PPP6R2: variants seen among roughly 807,000 people sequenced by gnomAD.
PPP6R2 encodes protein phosphatase 6 regulatory subunit 2, also known as serine/threonine-protein phosphatase 6 regulatory subunit 2.
Under a neutral mutation model 100.2 loss-of-function variants are expected in PPP6R2, and 62 were observed. The observed-to-expected ratio is 0.62, with a 90% CI of 0.50 to 0.76. PPP6R2 has a LOEUF of 0.76. PPP6R2 is among the 30% of genes least tolerant of loss of function. PPP6R2 has a pLI of 0.00. For missense variants in PPP6R2, 1,142 were observed against 1,276.3 expected, an observed-to-expected ratio of 0.89 and a Z score of 1.60; for synonymous variants, 525 against 514.7, an observed-to-expected ratio of 1.02 and a Z score of -0.27.
At chr22:50,359,437 T>C (rs1391665341) in intron 1 of PPP6R2, among the ~76,000 whole-genome samples, 1 of 152,104 alleles carries the variant, frequency 6.6e-6, no homozygotes, top group Non-Finnish European at 1.5e-5. Flanking sequence ...CAGGATGGTC[T>C]CGATCTCCTG....
upstream of PPP6R2, among the ~76,000 whole-genome samples, chr22:50,339,424 GGT>G (rs1336318761): frequency 7.1e-6 from 1 of 141,052 alleles, no homozygotes; most frequent in Non-Finnish European, 1.5e-5. Flanking sequence ...TAGGGTGTGT[GGT>G]GTGTGTTTAC....
At chr22:50,337,162 G>A in the PPP6R2 span, among the ~76,000 whole-genome samples, 49 of 148,632 alleles carry the variant, frequency 3.3e-4, no homozygotes, top group Middle Eastern at 6.9e-3. Flanking sequence ...GTGTGTGTGC[G>A]ATGTGTGGTG....
rs189931832 is a variant in PPP6R2, at chr22:50,350,964, G to T, written c.-148+7414G>T. Among the ~76,000 whole-genome samples the T allele has an allele frequency of 4.6e-3, 688 of 150,550 alleles. 5 individuals carry two copies. Among genetic ancestry groups the T allele is most frequent in the African/African-American group, 0.016 (659 of 40,866 alleles). ...AGAGCTCTTGGGTGACTAGATGCAT[G>T]GTCAATGAGCAGTAATATTTTGAAA... is the stretch of plus-strand genomic sequence containing the variant. On this transcript the variant is annotated intron_variant, in intron 1 of 23. Transcript: ENST00000612753.
chr22:50,428,663 C>G (rs1376244837), intron 10 of PPP6R2, among the ~76,000 whole-genome samples: 1 of 151,812 alleles, frequency 6.6e-6, no homozygotes, highest in East Asian at 1.9e-4. Context: ...GCTGCAGAGC[C>G]GAGATCACGC....
chr22:50,341,770 G>A (rs1164076888), upstream of PPP6R2, among the ~76,000 whole-genome samples: 1 of 152,238 alleles, frequency 6.6e-6, no homozygotes, highest in Admixed American at 6.5e-5. Context: ...CGAGGCGGGC[G>A]GATCACGAGG....
rs549171327 is a variant in PPP6R2, at chr22:50,414,778, G to T, written c.552+89G>T. 49 of 1,439,570 alleles carry T rather than the reference G, an allele frequency of 3.4e-5. No individual in the cohort carries two copies. In the South Asian group the frequency reaches 5.2e-4, roughly 15 times the overall value. The allele number at this position is 1,439,570 out of a possible 1,614,324, so 89.2% of individuals were successfully genotyped here. ...GTGCAGGAGCTCAGAGCACCAGGGC[G>T]CCCGGCCCCCATCTCTCCACCTAGC... On this transcript the variant is annotated intron_variant, in intron 5 of 23. Coordinates refer to ENST00000612753, the MANE Select transcript of PPP6R2 (RefSeq NM_001242898.2).
intron 10 of PPP6R2, among the ~76,000 whole-genome samples, chr22:50,425,251 A>G (rs1400636667): frequency 3.9e-5 from 6 of 152,206 alleles, no homozygotes; most frequent in Admixed American, 2.0e-4. Context: ...ATCATAAAGT[A>G]TTATCTTTTT....
At position 50,425,651 on chromosome 22, in the gene PPP6R2, C is replaced by T. The variant is rs922050310; in HGVS notation, c.1125+2037C>T. On this transcript the variant is annotated intron_variant, in intron 10 of 23. Coordinates refer to ENST00000612753, the MANE Select transcript of PPP6R2 (RefSeq NM_001242898.2). Reference sequence around the variant, plus strand: ...TCTCCCCTTTCTCCTCATCCTCCCCCTCATCCCGCCGACACTTGTCTTCCT... The same window carrying T: ...TCTCCCCTTTCTCCTCATCCTCCCCTTCATCCCGCCGACACTTGTCTTCCT... 5.9e-5 allele frequency among the ~76,000 whole-genome samples: 9 copies of T among 152,294 alleles called. No homozygotes were observed. The East Asian group carries it at 1.2e-3, about 20-fold the overall frequency.
At chr22:50,377,843 C>G (rs555321043) in intron 2 of PPP6R2, among the ~76,000 whole-genome samples, 38 of 152,122 alleles carry the variant, frequency 2.5e-4, no homozygotes, top group African/African-American at 9.2e-4. Flanking sequence ...CCTGTCTCTA[C>G]TAAAAACACA....
intron 2 of PPP6R2, among the ~76,000 whole-genome samples, chr22:50,386,027 G>A (rs1041774981): frequency 6.6e-6 from 1 of 150,450 alleles, no homozygotes; most frequent in African/African-American, 2.5e-5. Flanking sequence ...GTTTCACTGT[G>A]TTAGCCAGGA....
rs143545251 is a variant in PPP6R2 at position 50,423,273 on chromosome 22, C to T, written c.973-189C>T. ...GCACTCTCTGAAGCCCTGAGGGGAG[C>T]AGCAGGCTCTTCACCCCATTGATGC... On this transcript the variant is annotated intron_variant, in intron 9 of 23. Coordinates refer to ENST00000612753, the MANE Select transcript of PPP6R2 (RefSeq NM_001242898.2). This position sits in a 1 kb window ranked among gnomAD's most constrained non-coding sequence, Gnocchi z 4.8. Among the ~76,000 whole-genome samples the T allele has an allele frequency of 2.6e-3, 403 of 152,258 alleles. 1 individual carries two copies. Among genetic ancestry groups the T allele is most frequent in the African/African-American group, 9.2e-3 (384 of 41,538 alleles).
At chr22:50,381,344 T>C (rs34697790) in intron 2 of PPP6R2, among the ~76,000 whole-genome samples, 743 of 35,188 alleles carry the variant, frequency 0.021, 32 homozygotes, top group Non-Finnish European at 0.028. Context: ...CACCTCAGCA[T>C]CACACGGGCC....
chr22:50,418,249 A>G (rs766813962), intron 6 of PPP6R2, among the ~76,000 whole-genome samples: 11 of 152,162 alleles, frequency 7.2e-5, no homozygotes, highest in Non-Finnish European at 1.5e-4. Context: ...AGATAGTTCA[A>G]TGCAGCTTTA....
rs1451253437 is a variant in PPP6R2, at chr22:50,438,195, G to A, written c.1861G>A (p.Ala621Thr). 1 of 1,613,510 alleles carries A rather than the reference G, an allele frequency of 6.2e-7. No homozygotes were observed. The highest frequency in any genetic ancestry group is 1.7e-5 in the Admixed American group (1 of 59,912). The change falls in exon 18 of 24, where the codon GCC (alanine) becomes ACC (threonine). Residue 621 changes from alanine to threonine, a missense_variant. Physicochemically the swap from Ala to Thr is moderately conservative, Grantham distance 58. Coordinates refer to ENST00000612753, the MANE Select transcript of PPP6R2 (RefSeq NM_001242898.2). ...GCAGCCCAGCGCAGCTCTGTTTGAG[G>A]CCTGCTGCAGTGACCGCATCCAGCC... Reference protein sequence around the residue: ...EDSPSAALFEACCSDRIQPFD... With the variant: ...EDSPSAALFETCCSDRIQPFD...
At chr22:50,382,831 AG>A (rs1312682803) in intron 2 of PPP6R2, among the ~76,000 whole-genome samples, 1 of 138,498 alleles carries the variant, frequency 7.2e-6, no homozygotes, top group Non-Finnish European at 1.6e-5. Flanking sequence ...GAAATTTACA[AG>A]CAAATTTTTT....
intron 2 of PPP6R2, among the ~76,000 whole-genome samples, chr22:50,391,027 G>T (rs1020568282): frequency 6.6e-6 from 1 of 151,200 alleles, no homozygotes; most frequent in African/African-American, 2.4e-5. Flanking sequence ...AGAAATTCAG[G>T]CCGGATGCAG....
chr22:50,419,624 T>G (rs2061029296), intron 8 of PPP6R2, among the ~76,000 whole-genome samples, 162 bp downstream of exon 8: 1 of 152,238 alleles, frequency 6.6e-6, no homozygotes, highest in Admixed American at 6.5e-5. Context: ...ACTTTATGGC[T>G]GTGGCCAAGT....
At chr22:50,415,368 C>T (rs889045652) in intron 5 of PPP6R2, among the ~76,000 whole-genome samples, 5 of 152,202 alleles carry the variant, frequency 3.3e-5, no homozygotes, top group African/African-American at 1.2e-4. Context: ...GTAATGCTTC[C>T]TCAGGGAGGA....
In PPP6R2 at chr22:50,440,803, C is replaced by T. The variant is rs1456830293; in HGVS notation, c.2375-19C>T. 3.1e-6 allele frequency: 5 copies of T among 1,612,430 alleles called. No homozygotes were observed. Among genetic ancestry groups the T allele is most frequent in the Non-Finnish European group, 4.2e-6 (5 of 1,179,908 alleles). ...ACCCCTCCTGCCTCACTGGACAGCA[C>T]AGGCCTCCTACTTTGCAGTCAGCCC... On this transcript the variant is annotated intron_variant, in intron 21 of 23. Coordinates refer to ENST00000612753, the MANE Select transcript of PPP6R2 (RefSeq NM_001242898.2).
Sources: allele counts gnomAD v4.1 joint callset (sites outside exome capture counted in the v4.1 genomes callset), GRCh38; gene constraint gnomAD v4.1.1; non-coding constraint Gnocchi (gnomAD v3.1); transcripts MANE v1.5; gene names NCBI Gene and HGNC (gene_info 2026-07-23, HGNC 2026-07-21).